ROR2: variants seen among roughly 807,000 people sequenced by gnomAD.
ROR2 encodes ROR family WNT receptor 2.
In ROR2, 33 loss-of-function variants were observed where a neutral mutation model predicts 74.9. The ratio of observed to expected loss-of-function variants is 0.44; its 90% CI spans 0.33 to 0.59. ROR2 has a LOEUF of 0.59. Ranked by LOEUF, ROR2 falls within the 20% of genes least tolerant of loss-of-function variation. ROR2 has a pLI of 0.02. For missense variants in ROR2, 1,216 were observed against 1,313.8 expected (o/e 0.93, Z 1.15); for synonymous variants, 586 against 558.7 (o/e 1.05, Z -0.69).
chr9:91,765,767 C>G (rs1826042004), intron 2 of ROR2, among the ~76,000 whole-genome samples: 1 of 152,186 alleles, frequency 6.6e-6, no homozygotes, highest in Non-Finnish European at 1.5e-5. Flanking sequence ...TTCTGTAGAG[C>G]CCATGGGTTC....
intron 1 of ROR2, among the ~76,000 whole-genome samples, chr9:91,792,513 T>A (rs1827031852): frequency 6.6e-6 from 1 of 152,160 alleles, no homozygotes; most frequent in Non-Finnish European, 1.5e-5. Context: ...TTTCACCGTG[T>A]TAGCCAAGAT....
At chr9:91,860,913 TATATACAAAACGA>T (rs1482199284) in intron 1 of ROR2, among the ~76,000 whole-genome samples, 2 of 152,208 alleles carry the variant, frequency 1.3e-5, no homozygotes. Context: ...CCATCACTTG[TATATACAAAACGA>T]ATATACAAAA....
intron 1 of ROR2, among the ~76,000 whole-genome samples, chr9:91,924,744 G>T (rs1162600833): frequency 6.6e-6 from 1 of 151,672 alleles, no homozygotes; most frequent in Non-Finnish European, 1.5e-5. Context: ...AGTGAGACAA[G>T]ATCACGCCAG....
chr9:91,933,587 A>C (rs1443070797), intron 1 of ROR2, among the ~76,000 whole-genome samples: 3 of 152,220 alleles, frequency 2.0e-5, no homozygotes, highest in African/African-American at 7.2e-5. Flanking sequence ...GGCATGTACT[A>C]ATACAGAAAG....
intron 4 of ROR2, among the ~76,000 whole-genome samples, chr9:91,747,704 C>CTG (rs1554755128): frequency 6.6e-6 from 1 of 151,634 alleles, no homozygotes; most frequent in African/African-American, 2.4e-5. Context: ...TCTCTCCTAT[C>CTG]TTTGGTTAAG....
chr9:91,812,051 T>TA (rs1188285495), intron 1 of ROR2, among the ~76,000 whole-genome samples: 1 of 107,926 alleles, frequency 9.3e-6, no homozygotes, highest in Admixed American at 1.0e-4. Context: ...CTGATGAGCT[T>TA]AAAAAAATGC....
intron 1 of ROR2, among the ~76,000 whole-genome samples, chr9:91,812,143 C>T (rs1309041177): frequency 6.6e-6 from 1 of 151,902 alleles, no homozygotes. Flanking sequence ...TCCTTGGCCA[C>T]AAGTGGCCCA....
chr9:91,781,091 G>C (rs1401921794), intron 1 of ROR2, among the ~76,000 whole-genome samples: 1 of 152,216 alleles, frequency 6.6e-6, no homozygotes, highest in Non-Finnish European at 1.5e-5. Flanking sequence ...AGGATGTTCA[G>C]ACAACTTCAA....
intron 1 of ROR2, among the ~76,000 whole-genome samples, chr9:91,821,370 G>A (rs942626590): frequency 2.0e-5 from 3 of 152,088 alleles, no homozygotes; most frequent in Non-Finnish European, 4.4e-5. Flanking sequence ...CGTTATTATT[G>A]CCCAACTCCT....
intron 1 of ROR2, among the ~76,000 whole-genome samples, chr9:91,783,344 G>C (rs974281655): frequency 3.9e-5 from 6 of 152,206 alleles, no homozygotes; most frequent in African/African-American, 1.4e-4. Flanking sequence ...GTGCTGACTT[G>C]AGAATGACAC....
At chr9:91,781,373 CACA>C (rs1190776594) in intron 1 of ROR2, among the ~76,000 whole-genome samples, 4 of 152,192 alleles carry the variant, frequency 2.6e-5, no homozygotes, top group African/African-American at 4.8e-5. Context: ...TCATGTGTTC[CACA>C]ACAACTACTC....
intron 4 of ROR2, among the ~76,000 whole-genome samples, chr9:91,745,112 TTTA>T (rs2118777762): frequency 6.6e-6 from 1 of 151,600 alleles, no homozygotes; most frequent in South Asian, 2.1e-4. Context: ...TCATTTATTA[TTTA>T]TTAATTATAT....
intron 1 of ROR2, among the ~76,000 whole-genome samples, chr9:91,784,118 G>A (rs1333783209): frequency 6.6e-6 from 1 of 152,044 alleles, no homozygotes; most frequent in Non-Finnish European, 1.5e-5. Context: ...CCACACCACA[G>A]CCCGGCCTCC....
intron 1 of ROR2, among the ~76,000 whole-genome samples, chr9:91,817,038 C>T (rs969686139): frequency 6.6e-6 from 1 of 152,214 alleles, no homozygotes; most frequent in African/African-American, 2.4e-5. Context: ...ATATAGACTG[C>T]CTGTGGGGAG....
chr9:91,948,746 A>T, intron 1 of ROR2: 3 of 985,438 alleles, frequency 3.0e-6, no homozygotes, highest in Non-Finnish European at 3.6e-6. Context: ...GGGGATACTG[A>T]AGCCCATTTA....
At chr9:91,743,737 A>G (rs1337525783) in intron 4 of ROR2, among the ~76,000 whole-genome samples, 1 of 152,212 alleles carries the variant, frequency 6.6e-6, no homozygotes, top group Non-Finnish European at 1.5e-5. Context: ...AGACAATACT[A>G]AAGAGGCCCA....
intron 1 of ROR2, among the ~76,000 whole-genome samples, chr9:91,842,500 C>A (rs150301344): frequency 6.6e-6 from 1 of 152,232 alleles, no homozygotes; most frequent in Non-Finnish European, 1.5e-5. Context: ...TCACCCCGTG[C>A]GTTAGTGTCT....
At position 91,733,245 on chromosome 9, in the gene ROR2, G is replaced by A. The variant is rs763809292; in HGVS notation, c.814C>T (p.Arg272Cys). ...CGCATGAGGATGAGCGGGTTGGAGC[G>A]GGCGATGGTGTACTCCTGGCGGCAC... ...DLCRQEYTIA[R>C]SNPLILMRLQ... is the part of the protein sequence containing the mutation. The change falls in exon 6 of 9, where the codon CGC becomes TGC. Residue 272 changes from arginine (R) to cysteine (C), a missense_variant. Transcript: ENST00000375708. The surrounding 1 kb of genome is among the most constrained non-coding windows in gnomAD (Gnocchi z 5.7). 3.1e-6 allele frequency: 5 copies of A among 1,612,754 alleles called. No homozygotes were observed. Among genetic ancestry groups the A allele is most frequent in the East Asian group, 2.2e-5 (1 of 44,864 alleles).
chr9:91,745,981 T>A (rs1171552277), intron 4 of ROR2, among the ~76,000 whole-genome samples: 1 of 152,148 alleles, frequency 6.6e-6, no homozygotes, highest in East Asian at 1.9e-4. Flanking sequence ...CTTGATTAGG[T>A]TGGTGGTCTG....
Sources: gnomAD v4.1 joint callset for allele counts (sites outside exome capture counted in the v4.1 genomes callset) on GRCh38, gnomAD v4.1.1 for gene constraint, Gnocchi (gnomAD v3.1) non-coding constraint, MANE v1.5 for transcripts, NCBI Gene and HGNC (gene_info 2026-07-23, HGNC 2026-07-21) for gene names.